The following HADHB variants were observed in gnomAD, a reference collection of about 807,000 sequenced individuals.
HADHB encodes hydroxyacyl-CoA dehydrogenase trifunctional multienzyme complex subunit beta.
A neutral mutation model predicts 61.9 loss-of-function variants in HADHB; 50 were observed. The ratio of observed to expected loss-of-function variants is 0.81; its 90% CI spans 0.64 to 1.02. The LOEUF is 1.02. HADHB is among the 50% of genes least tolerant of loss of function. HADHB has a pLI of 0.00. For synonymous variants in HADHB, 191 were observed against 201.6 expected, an observed-to-expected ratio of 0.95 and a Z score of 0.45; for missense variants, 504 against 586.5, an observed-to-expected ratio of 0.86 and a Z score of 1.45.
At chr2:26,273,595 C>T in intron 5 of HADHB, 56 bp from the exon 6 acceptor site, 6 of 934,376 alleles carry the variant, frequency 6.4e-6, no homozygotes, top group Non-Finnish European at 1.1e-5. Context: ...GTGTGATGAT[C>T]TCTGGCACTG....
At chr2:26,261,801 T>A (rs1671879258) in intron 3 of HADHB, among the ~76,000 whole-genome samples, 1 of 152,146 alleles carries the variant, frequency 6.6e-6, no homozygotes, top group African/African-American at 2.4e-5. Context: ...GTCCCCTTTT[T>A]TTTCCAAAAC....
chr2:26,279,163 G>A lies in HADHB; in HGVS notation c.659G>A (p.Ser220Asn), dbSNP rs770203354. 6.2e-7 allele frequency: 1 copy of A among 1,614,026 alleles called. No homozygotes were observed. Among genetic ancestry groups the A allele is most frequent in the Non-Finnish European group, 8.5e-7 (1 of 1,179,956 alleles). ...ELPAVSEFST[S>N]ETMGHSADRL... ...CCTGCGGTTTCTGAGTTCTCCACCA[G>A]TGAGACCATGGGCCACTCTGCAGAC... The change falls in exon 9 of 16, where the codon AGT becomes AAT. Residue 220 changes from serine to asparagine, a missense_variant. By Grantham distance (46) the Ser-to-Asn change is conservative. Transcript: ENST00000317799.
intron 3 of HADHB, among the ~76,000 whole-genome samples, chr2:26,255,918 G>A (rs1671590222): frequency 6.6e-6 from 1 of 152,092 alleles, no homozygotes; most frequent in Non-Finnish European, 1.5e-5. Context: ...TGTTGACCCA[G>A]GTCTTTGCTT....
At chr2:26,254,222 T>C (rs1400592972) in intron 1 of HADHB, 25 bp from the exon 2 acceptor site, 2 of 1,007,466 alleles carry the variant, frequency 2.0e-6, no homozygotes, top group Non-Finnish European at 3.2e-6. Flanking sequence ...TAATCCAGGA[T>C]ATACTTTTGT....
chr2:26,256,527 GTATATATA>G (rs56218622), intron 3 of HADHB, among the ~76,000 whole-genome samples: 1 of 149,378 alleles, frequency 6.7e-6, no homozygotes, highest in Non-Finnish European at 1.5e-5. Context: ...TTCTCTCTGT[GTATATATA>G]TATATATATA....
At chr2:26,263,677 A>C (rs1299937369) in intron 4 of HADHB, among the ~76,000 whole-genome samples, 198 bp downstream of exon 4, 1 of 152,238 alleles carries the variant, frequency 6.6e-6, no homozygotes, top group African/African-American at 2.4e-5. Flanking sequence ...CTTCTCATGA[A>C]TAAGTCTAGC....
intron 5 of HADHB, 125 bp from the exon 6 acceptor site, chr2:26,273,526 G>A: frequency 1.4e-6 from 1 of 694,598 alleles, no homozygotes; most frequent in East Asian, 2.7e-5. Flanking sequence ...TTAAAGAAAA[G>A]ATACAGTCTC....
At chr2:26,284,567 A>C (rs890101130) in intron 13 of HADHB, among the ~76,000 whole-genome samples, 1 of 151,628 alleles carries the variant, frequency 6.6e-6, no homozygotes, top group African/African-American at 2.4e-5. Flanking sequence ...GGTTCAAGCA[A>C]TTTTCTTGTC....
chr2:26,271,004 G>T (rs112253323), intron 5 of HADHB, among the ~76,000 whole-genome samples: 1 of 149,014 alleles, frequency 6.7e-6, no homozygotes, highest in Non-Finnish European at 1.5e-5. Context: ...TCAGCCTCCC[G>T]AGTACCTGGG....
Position 26,290,081 on chromosome 2 carries a change from A to G in HADHB, c.*128A>G, listed in dbSNP as rs1299685199. ...AGGAAAACAGTTCTTGTGGCCTTCT[A>G]TTAAATAGTTTGCACTTAAGCCTTG... On this transcript the variant is annotated 3_prime_UTR_variant, in exon 16 of 16. Transcript: ENST00000317799. The G allele has an allele frequency of 2.6e-6, 2 of 781,392 alleles. No homozygotes were observed. Among genetic ancestry groups the G allele is most frequent in the Non-Finnish European group, 4.6e-6 (2 of 431,508 alleles). The allele number at this position is 781,392 out of a possible 1,614,324, so 48.4% of individuals were successfully genotyped here. A position where few individuals can be genotyped will look rare whatever the true frequency, so the allele number is the denominator to read the frequency against.
intron 3 of HADHB, among the ~76,000 whole-genome samples, chr2:26,257,252 C>T (rs1671654017): frequency 6.6e-6 from 1 of 151,888 alleles, no homozygotes; most frequent in Admixed American, 6.6e-5. Flanking sequence ...TCTTGAGTAG[C>T]TGGGACTACA....
intron 3 of HADHB, among the ~76,000 whole-genome samples, chr2:26,259,590 C>T (rs1459298819): frequency 1.3e-5 from 2 of 152,216 alleles, no homozygotes; most frequent in African/African-American, 4.8e-5. Flanking sequence ...AACCTTCTGA[C>T]CTTTTAGAAG....
chr2:26,289,509 T>G (rs1170248353), intron 15 of HADHB, among the ~76,000 whole-genome samples: 3 of 152,160 alleles, frequency 2.0e-5, no homozygotes, highest in Non-Finnish European at 4.4e-5. Flanking sequence ...ATGTTTATGT[T>G]TATACAGTTA....
chr2:26,259,955 C>T (rs538122005), intron 3 of HADHB, among the ~76,000 whole-genome samples: 2 of 152,030 alleles, frequency 1.3e-5, no homozygotes, highest in East Asian at 3.9e-4. Context: ...TCATCTTGTT[C>T]TATTTTGAGA....
intron 4 of HADHB, among the ~76,000 whole-genome samples, chr2:26,268,010 C>G (rs1263065321): frequency 6.6e-6 from 1 of 151,992 alleles, no homozygotes; most frequent in Non-Finnish European, 1.5e-5. Context: ...GGTGTGGTAG[C>G]AGACACCGGT....
rs754537494 is a variant in HADHB at position 26,263,404 on chromosome 2, C to T, written c.134C>T (p.Thr45Met). The T allele has an allele frequency of 2.2e-5, 36 of 1,611,584 alleles. No homozygotes were observed. Among genetic ancestry groups the T allele is most frequent in the East Asian group, 4.5e-5 (2 of 44,852 alleles). Residue 45 changes from threonine to methionine, a missense_variant, in exon 4 of 16, where the codon ACG becomes ATG. Thr to Met is a moderately conservative substitution (Grantham distance 81, BLOSUM62 -1). Transcript: ENST00000317799. ...GCTGTCCAGACCAAAACGAAGAAGA[C>T]GTTAGCCAAACCCAATATAAGGAAT... The part of the protein sequence containing the change: ...APAVQTKTKK[T>M]LAKPNIRNVV...
In HADHB at chr2:26,284,863, T is replaced by A. The variant is rs775990595; in HGVS notation, c.1150-20T>A. Reference sequence around the variant, plus strand: ...GGAACATGAATAACGAGGTTCTTATTCGATTATTTTCTCTTCCAGGGTCAG... The same window carrying A: ...GGAACATGAATAACGAGGTTCTTATACGATTATTTTCTCTTCCAGGGTCAG... On this transcript the variant is annotated intron_variant, in intron 13 of 15. Coordinates refer to ENST00000317799, the MANE Select transcript of HADHB (RefSeq NM_000183.3). 7.6e-7 allele frequency: 1 copy of A among 1,322,596 alleles called. No homozygotes were observed. The highest frequency in any genetic ancestry group is 1.1e-6 in the Non-Finnish European group (1 of 913,882). The allele number at this position is 1,322,596 out of a possible 1,614,324, so 81.9% of individuals were successfully genotyped here.
At chr2:26,247,880 A>T (rs1018716000) in intron 1 of HADHB, among the ~76,000 whole-genome samples, 2 of 152,208 alleles carry the variant, frequency 1.3e-5, no homozygotes, top group Non-Finnish European at 2.9e-5. Context: ...TTCTGGAACC[A>T]ATCCCCCTTG....
intron 3 of HADHB, among the ~76,000 whole-genome samples, chr2:26,258,593 G>A (rs183414012): frequency 6.6e-6 from 1 of 152,288 alleles, no homozygotes; most frequent in African/African-American, 2.4e-5. Flanking sequence ...CGAACAGCGG[G>A]TCTGTGACAG....
Sources: allele counts gnomAD v4.1 joint callset (sites outside exome capture counted in the v4.1 genomes callset), GRCh38; gene constraint gnomAD v4.1.1; transcripts MANE v1.5; gene names NCBI Gene and HGNC (gene_info 2026-07-23, HGNC 2026-07-21).